Variants in CHD2 observed in about 807,000 individuals in gnomAD.
CHD2 encodes ATP-dependent chromatin remodeler CHD2.
A neutral mutation model predicts 243.9 loss-of-function variants in CHD2; 28 were observed. The ratio of observed to expected loss-of-function variants is 0.11; its 90% CI spans 0.09 to 0.16. CHD2 has a LOEUF of 0.16. CHD2 is among the 10% of genes least tolerant of loss of function. The pLI is 1.00. For missense variants in CHD2, 1,386 were observed against 2,209.8 expected, an observed-to-expected ratio of 0.63 and a Z score of 7.47; for synonymous variants, 775 against 779.0, an observed-to-expected ratio of 0.99 and a Z score of 0.09.
At chr15:92,947,492 T>C (rs1326946137) in intron 12 of CHD2, 1 of 152,270 alleles carries the variant, frequency 6.6e-6, no homozygotes, top group Non-Finnish European at 1.5e-5. Context: ...CTTGGCTACC[T>C]CGAAGGGTAT....
chr15:92,992,704 A>G lies in CHD2; in HGVS notation c.3456-155A>G, dbSNP rs538067844. ...ATGTGTTAGCCTTCAGTCAATGTCC[A>G]GGGGTTCTTGTTGGAGCCTTAGAAT... On this transcript the variant is annotated intron_variant, in intron 27 of 38. Coordinates refer to ENST00000394196, the MANE Select transcript of CHD2 (RefSeq NM_001271.4). Among the ~76,000 whole-genome samples, 3 of 152,350 alleles carry G rather than the reference A, an allele frequency of 2.0e-5. No individual in the cohort carries two copies. In the East Asian group the frequency reaches 5.8e-4, roughly 29 times the overall value.
rs1468751237 is a variant in CHD2 at position 92,972,627 on chromosome 15, G to A, written c.2505+210G>A. ...AGCACTTTGGGAGGCCGAGGCGGGC[G>A]GATCACGAGGTCAGGAGATCAAGAC... On this transcript the variant is annotated intron_variant, in intron 19 of 38. Transcript: ENST00000394196. Among the ~76,000 whole-genome samples, 6 of 56,952 alleles carry A rather than the reference G, an allele frequency of 1.1e-4. 1 individual carries two copies. Among genetic ancestry groups the A allele is most frequent in the African/African-American group, 2.2e-4 (6 of 26,714 alleles). 37.4% of individuals were successfully genotyped at this position (56,952 alleles called of 152,430 possible). A position where few individuals can be genotyped will look rare whatever the true frequency, so the allele number is the denominator to read the frequency against.
chr15:92,910,354 T>A (rs79944212), intron 2 of CHD2, among the ~76,000 whole-genome samples: 1 of 152,316 alleles, frequency 6.6e-6, no homozygotes, highest in African/African-American at 2.4e-5. Context: ...TACATAGTCC[T>A]CTTCCTTTAA....
rs1484901409 is a variant in CHD2, at chr15:93,026,346, T to A, written c.*1641T>A. The stretch of plus-strand genomic sequence containing the variant: ...TGTCCTGGGCAGCACCATGAATGCC[T>A]TTACCAAGACATGCCAAGTTGGATC... On this transcript the variant is annotated 3_prime_UTR_variant, in exon 39 of 39. Transcript: ENST00000394196. The A allele has an allele frequency of 6.5e-6, 1 of 152,702 alleles. No homozygotes were observed. Among genetic ancestry groups the A allele is most frequent in the Non-Finnish European group, 1.5e-5 (1 of 68,184 alleles). The allele number at this position is 152,702 out of a possible 1,614,324, so 9.5% of individuals were successfully genotyped here. A position where few individuals can be genotyped will look rare whatever the true frequency, so the allele number is the denominator to read the frequency against.
chr15:92,987,800 A>G lies in CHD2; in HGVS notation c.3413+2127A>G, dbSNP rs187714962. ...TTTTTTTGTTTATTTCCCCATTACT[A>G]CTTTCCTTTGTGTTAAATATATAAT... On this transcript the variant is annotated intron_variant, in intron 26 of 38. Transcript: ENST00000394196. Among the ~76,000 whole-genome samples, 558 of 150,842 alleles carry G rather than the reference A, an allele frequency of 3.7e-3. 3 individuals carry two copies. The highest frequency in any genetic ancestry group is 0.013 in the African/African-American group (527 of 41,028).
Position 92,981,373 on chromosome 15 carries a change from T to G in CHD2, c.2982T>G (p.Asp994Glu), listed in dbSNP as rs372974686. 6.2e-7 allele frequency: 1 copy of G among 1,613,128 alleles called. No individual in the cohort carries two copies. Among genetic ancestry groups the G allele is most frequent in the Non-Finnish European group, 8.5e-7 (1 of 1,179,318 alleles). ...EGEESEPQEMDIDEILRLAET... is the reference protein window; with the variant it reads ...EGEESEPQEMEIDEILRLAET... ...GGCTTTTGTTCTTTTAGGAAATGGA[T>G]ATAGATGAAATTTTGCGGTTGGCTG... The change falls in exon 24 of 39, where the codon GAT becomes GAG. Residue 994 changes from aspartate to glutamate, a missense_variant. Transcript: ENST00000394196.
chr15:93,000,689 C>G, intron 32 of CHD2, 49 bp downstream of exon 32: 1 of 1,545,522 alleles, frequency 6.5e-7, no homozygotes, highest in East Asian at 2.3e-5. Flanking sequence ...TTTAGCTATA[C>G]TTATCATGCC....
At chr15:92,976,373 C>T (rs2053908167) in intron 20 of CHD2, among the ~76,000 whole-genome samples, 1 of 151,946 alleles carries the variant, frequency 6.6e-6, no homozygotes, top group Non-Finnish European at 1.5e-5. Context: ...GTAAAGAATA[C>T]AAAGAAAAAA....
rs555403879 is a variant in CHD2 at position 92,954,923 on chromosome 15, A to G, written c.1720-500A>G. Among the ~76,000 whole-genome samples, 39 of 152,254 alleles carry G rather than the reference A, an allele frequency of 2.6e-4. 1 individual carries two copies. The South Asian group carries it at 8.1e-3, about 32-fold the overall frequency. ...CTTTGTGTTCTTTTACATTGACGTTATTATACGTATTGCATTATATTTTCA... is the reference window on the plus strand; with the variant it reads ...CTTTGTGTTCTTTTACATTGACGTTGTTATACGTATTGCATTATATTTTCA... On this transcript the variant is annotated intron_variant, in intron 14 of 38. Coordinates refer to ENST00000394196, the MANE Select transcript of CHD2 (RefSeq NM_001271.4).
At chr15:92,907,101 A>T (rs150086078) in intron 2 of CHD2, among the ~76,000 whole-genome samples, 1 of 152,236 alleles carries the variant, frequency 6.6e-6, no homozygotes, top group African/African-American at 2.4e-5. Flanking sequence ...TCTGTAATCA[A>T]TGGAATCTTT....
intron 5 of CHD2, among the ~76,000 whole-genome samples, chr15:92,936,142 C>T (rs1260790895): frequency 6.6e-6 from 1 of 152,042 alleles, no homozygotes; most frequent in African/African-American, 2.4e-5. Flanking sequence ...TTGTTTTTTC[C>T]CCCTAAGGTC....
chr15:92,904,508 T>G (rs551917181), intron 2 of CHD2: 3 of 992,728 alleles, frequency 3.0e-6, no homozygotes, highest in African/African-American at 3.5e-5. Flanking sequence ...GGAAGGGAAC[T>G]CTAGTTGGGA....
chr15:92,951,117 C>G (rs1383930899), intron 13 of CHD2, among the ~76,000 whole-genome samples: 1 of 152,116 alleles, frequency 6.6e-6, no homozygotes, highest in Non-Finnish European at 1.5e-5. Context: ...GTGTACCCAT[C>G]CAGAGTCACA....
chr15:93,019,746 C>T (rs1224668097), intron 37 of CHD2, among the ~76,000 whole-genome samples: 2 of 152,072 alleles, frequency 1.3e-5, no homozygotes, highest in African/African-American at 4.8e-5. Flanking sequence ...CCAGCCTAGC[C>T]AACATGGTGA....
chr15:93,012,869 GTT>G (rs976769599), intron 36 of CHD2, among the ~76,000 whole-genome samples: 8 of 152,214 alleles, frequency 5.3e-5, no homozygotes, highest in African/African-American at 1.9e-4. Context: ...GTGCTCAGAA[GTT>G]GCCTCTCCTT....
At chr15:92,943,234 A>T in intron 9 of CHD2, 166 bp downstream of exon 9, 1 of 611,330 alleles carries the variant, frequency 1.6e-6, no homozygotes, top group Non-Finnish European at 2.8e-6. Context: ...TGACCTTCAG[A>T]TACTATATTT....
At chr15:92,914,730 A>G (rs925892246) in intron 2 of CHD2, among the ~76,000 whole-genome samples, 2 of 152,190 alleles carry the variant, frequency 1.3e-5, no homozygotes, top group Non-Finnish European at 2.9e-5. Context: ...ACAACATTTC[A>G]ACACATTGAG....
In CHD2 at chr15:92,900,674, TA is replaced by T. The variant is rs1208425702; in HGVS notation, c.-221del. ...CCTGTTTTAGTATTAATTATTGCTT[TA>T]TTTTTTTGACCAGTTAACATATTTG... On this transcript the variant is annotated 5_prime_UTR_variant, in exon 1 of 39. An upstream open reading frame in the 5' UTR gains an earlier in-frame stop. Transcript: ENST00000394196. 4 of 398,676 alleles carry T rather than the reference TA, an allele frequency of 1.0e-5. No individual in the cohort carries two copies. Among genetic ancestry groups the T allele is most frequent in the African/African-American group, 4.1e-5 (2 of 48,700 alleles). The allele number at this position is 398,676 out of a possible 1,614,324, so 24.7% of individuals were successfully genotyped here.
intron 31 of CHD2, 97 bp from the exon 32 acceptor site, chr15:93,000,415 T>C (rs2054239692): frequency 3.3e-6 from 4 of 1,220,864 alleles, no homozygotes; most frequent in Admixed American, 2.8e-5. Flanking sequence ...GTTTGAATTA[T>C]ATGGCTGCTA....
Sources: gnomAD v4.1 joint callset for allele counts (sites outside exome capture counted in the v4.1 genomes callset) on GRCh38, gnomAD v4.1.1 for gene constraint, MANE v1.5 for transcripts, NCBI Gene and HGNC (gene_info 2026-07-23, HGNC 2026-07-21) for gene names.